The following PPM1E variants were observed in gnomAD, a reference collection of about 807,000 sequenced individuals.
PPM1E encodes the protein protein phosphatase 1E.
A neutral mutation model predicts 65.9 loss-of-function variants in PPM1E; 20 were observed. That is an observed-to-expected ratio of 0.30 (90% CI 0.21 to 0.44). PPM1E has a LOEUF of 0.44. Ranked by LOEUF, PPM1E falls within the 20% of genes least tolerant of loss-of-function variation. The pLI, the probability that PPM1E is intolerant of heterozygous loss-of-function variation, is 1.00. For missense variants in PPM1E, 713 were observed against 953.1 expected (o/e 0.75, Z 3.32); for synonymous variants, 352 against 374.9 (o/e 0.94, Z 0.70).
intron 1 of PPM1E, among the ~76,000 whole-genome samples, chr17:58,811,585 C>T (rs981350952): frequency 2.0e-5 from 3 of 152,098 alleles, no homozygotes; most frequent in Non-Finnish European, 4.4e-5. Context: ...CTGTAGGCAT[C>T]TATGTGACTG....
intron 1 of PPM1E, among the ~76,000 whole-genome samples, chr17:58,895,537 T>C (rs1349791960): frequency 6.6e-6 from 1 of 152,164 alleles, no homozygotes; most frequent in Non-Finnish European, 1.5e-5. Flanking sequence ...CCCTGTGTGA[T>C]GGCTCATGCC....
At chr17:58,938,172 A>G (rs964523156) in intron 1 of PPM1E, among the ~76,000 whole-genome samples, 1 of 152,074 alleles carries the variant, frequency 6.6e-6, no homozygotes, top group East Asian at 1.9e-4. Flanking sequence ...AAATTAAAAA[A>G]CCTTATTTGG....
chr17:58,771,635 AAAG>A (rs755743962), intron 1 of PPM1E, among the ~76,000 whole-genome samples: 24 of 152,094 alleles, frequency 1.6e-4, no homozygotes, highest in African/African-American at 2.4e-4. Context: ...AAAAAAAGAA[AAAG>A]AAGAAGATAA....
At chr17:58,953,371 G>T (rs561569485) in intron 1 of PPM1E, among the ~76,000 whole-genome samples, 65 of 152,206 alleles carry the variant, frequency 4.3e-4, no homozygotes, top group Non-Finnish European at 8.1e-4. Flanking sequence ...GCAAAAGGGA[G>T]CCCTCATGTG....
intron 1 of PPM1E, among the ~76,000 whole-genome samples, chr17:58,845,596 A>T (rs2050763148): frequency 6.6e-6 from 1 of 152,138 alleles, no homozygotes; most frequent in Non-Finnish European, 1.5e-5. Context: ...TACAGTATTT[A>T]TCTTTTTGTG....
chr17:58,904,417 TTGAATC>T (rs770981936), intron 1 of PPM1E, among the ~76,000 whole-genome samples: 12 of 152,186 alleles, frequency 7.9e-5, no homozygotes, highest in Non-Finnish European at 1.5e-4. Context: ...TTTTTACACT[TTGAATC>T]TGATTTATAA....
rs557887342 is a variant in PPM1E at position 58,970,844 on chromosome 17, C to T, written c.972+1117C>T. Among the ~76,000 whole-genome samples the T allele has an allele frequency of 1.4e-4, 22 of 151,970 alleles. No individual in the cohort carries two copies. The East Asian group carries it at 3.9e-3, about 27-fold the overall frequency. Reference sequence around the variant, plus strand: ...AGCTGTGGGCTTTTATCATCTGAGTCGAGGACAAGGGCCGGCCCCTGAGAG... The same window carrying T: ...AGCTGTGGGCTTTTATCATCTGAGTTGAGGACAAGGGCCGGCCCCTGAGAG... On this transcript the variant is annotated intron_variant, in intron 4 of 6. Coordinates refer to ENST00000308249, the MANE Select transcript of PPM1E (RefSeq NM_014906.5).
chr17:58,773,748 G>T (rs1030266786), intron 1 of PPM1E, among the ~76,000 whole-genome samples: 1 of 152,110 alleles, frequency 6.6e-6, no homozygotes, highest in Non-Finnish European at 1.5e-5. Flanking sequence ...AGTGTTGAAC[G>T]TGAATTACCT....
At chr17:58,778,288 C>T (rs1335377254) in intron 1 of PPM1E, among the ~76,000 whole-genome samples, 3 of 151,666 alleles carry the variant, frequency 2.0e-5, no homozygotes, top group Non-Finnish European at 4.4e-5. Context: ...TTAGTAGAGA[C>T]GGGGTTTCAC....
At chr17:58,945,135 G>A (rs1031407044) in intron 1 of PPM1E, among the ~76,000 whole-genome samples, 1 of 150,602 alleles carries the variant, frequency 6.6e-6, no homozygotes, top group Non-Finnish European at 1.5e-5. Flanking sequence ...TTTCTGTACA[G>A]TCACACACTT....
intron 1 of PPM1E, among the ~76,000 whole-genome samples, chr17:58,805,945 C>A (rs71372852): frequency 3.3e-5 from 3 of 91,774 alleles, no homozygotes; most frequent in East Asian, 6.5e-4. Flanking sequence ...TCAGGCTGTT[C>A]TGCTAAAAAA....
chr17:58,964,498 C>T (rs572931006), intron 2 of PPM1E, among the ~76,000 whole-genome samples: 1 of 151,022 alleles, frequency 6.6e-6, no homozygotes, highest in African/African-American at 2.4e-5. Flanking sequence ...ATAGGTGAAG[C>T]GGTAGACATA....
chr17:58,930,040 T>C (rs2143563803), intron 1 of PPM1E, among the ~76,000 whole-genome samples: 1 of 152,236 alleles, frequency 6.6e-6, no homozygotes, highest in South Asian at 2.1e-4. Context: ...TTTACGGTCA[T>C]ACTACCCTGA....
At chr17:58,917,037 C>T (rs1160554339) in intron 1 of PPM1E, among the ~76,000 whole-genome samples, 1 of 151,846 alleles carries the variant, frequency 6.6e-6, no homozygotes, top group Non-Finnish European at 1.5e-5. Flanking sequence ...TGGTGAAACC[C>T]CGTCTCTACT....
chr17:58,870,479 C>T (rs749061935), intron 1 of PPM1E, among the ~76,000 whole-genome samples: 2 of 152,032 alleles, frequency 1.3e-5, no homozygotes, highest in Non-Finnish European at 2.9e-5. Flanking sequence ...GTTTTTTAGC[C>T]CTTGCCCACC....
chr17:58,789,755 T>C (rs1407622706), intron 1 of PPM1E, among the ~76,000 whole-genome samples: 1 of 151,416 alleles, frequency 6.6e-6, no homozygotes, highest in Non-Finnish European at 1.5e-5. Context: ...TATATATATA[T>C]ATATATAAAA....
In PPM1E at chr17:58,982,659, A is replaced by AATC. The variant is rs2031427220; in HGVS notation, c.*1629_*1631dup. ...TCACTTTAGCAATGATCAGATTGTT[A>AATC]ATCTACAGATTTTATTTTTTAAAAT... On this transcript the variant is annotated 3_prime_UTR_variant, in exon 7 of 7. Transcript: ENST00000308249. The AATC allele has an allele frequency of 4.2e-6, 2 of 477,166 alleles. No homozygotes were observed. The highest frequency in any genetic ancestry group is 7.5e-6 in the Non-Finnish European group (2 of 268,206). The allele number at this position is 477,166 out of a possible 1,614,324, so 29.6% of individuals were successfully genotyped here.
In PPM1E at chr17:58,980,338, C is replaced by G; in HGVS notation, c.1575C>G (p.Cys525Trp). Residue 525 changes from cysteine (C) to tryptophan (W), a missense_variant, in exon 7 of 7, where the codon TGC becomes TGG. Transcript: ENST00000308249. The surrounding 1 kb of genome is among the most constrained non-coding windows in gnomAD (Gnocchi z 4.7). The stretch of plus-strand genomic sequence containing the variant: ...ATGATAAGGAGAATCATGGAGAGTG[C>G]AAACGCCCTTGGCCTCAGCACCAGT... ...GGDDKENHGE[C>W]KRPWPQHQCS... The G allele has an allele frequency of 6.2e-7, 1 of 1,614,082 alleles. No individual in the cohort carries two copies. The highest frequency in any genetic ancestry group is 8.5e-7 in the Non-Finnish European group (1 of 1,180,018).
intron 2 of PPM1E, among the ~76,000 whole-genome samples, chr17:58,956,438 A>AAAAAAAC (rs974116832): frequency 8.6e-5 from 11 of 128,076 alleles, no homozygotes; most frequent in Non-Finnish European, 1.9e-4. Context: ...TCTGTCTCAA[A>AAAAAAAC]AAAAAACAAA....
Sources: allele counts gnomAD v4.1 joint callset (sites outside exome capture counted in the v4.1 genomes callset), GRCh38; gene constraint gnomAD v4.1.1; non-coding constraint Gnocchi (gnomAD v3.1); transcripts MANE v1.5; gene names NCBI Gene and HGNC (gene_info 2026-07-23, HGNC 2026-07-21).